EEA1: variants seen among roughly 807,000 people sequenced by gnomAD.
EEA1 encodes early endosome antigen 1, 162kD.
Under a neutral mutation model 209.2 loss-of-function variants are expected in EEA1, and 111 were observed. That is an observed-to-expected ratio of 0.53 (90% CI 0.45 to 0.62). The LOEUF (loss-of-function observed/expected upper bound fraction) is 0.62, where lower values mean the gene tolerates loss of function less well. EEA1 is among the 20% of genes least tolerant of loss of function. The probability of loss-of-function intolerance (pLI) is 0.00; values close to 1 mark genes in which losing one functional copy is unlikely to be tolerated. For missense variants in EEA1, 1,343 were observed against 1,530.8 expected, an observed-to-expected ratio of 0.88 and a Z score of 2.05; for synonymous variants, 536 against 540.6, an observed-to-expected ratio of 0.99 and a Z score of 0.12.
At chr12:92,864,728 T>C (rs1477206459) in intron 3 of EEA1, 132 bp downstream of exon 3, 3 of 878,672 alleles carry the variant, frequency 3.4e-6, no homozygotes, top group Admixed American at 3.8e-5. Flanking sequence ...AGGAAGGATA[T>C]GCTAAATGAT....
chr12:92,857,040 G>A (rs1294011172), intron 5 of EEA1, among the ~76,000 whole-genome samples: 1 of 151,944 alleles, frequency 6.6e-6, no homozygotes, highest in Non-Finnish European at 1.5e-5. Flanking sequence ...CCAAAGTGCT[G>A]GGATTACAGG....
chr12:92,781,078 AT>A (rs1031744109), intron 23 of EEA1, among the ~76,000 whole-genome samples: 17 of 149,088 alleles, frequency 1.1e-4, no homozygotes, highest in Middle Eastern at 3.5e-3. Context: ...GCCCAGCTAA[AT>A]TTTTTTTTTT....
Position 92,822,090 on chromosome 12 carries a change from T to C in EEA1, c.1525-2579A>G, listed in dbSNP as rs75497455. Among the ~76,000 whole-genome samples the C allele has an allele frequency of 2.0e-3, 307 of 151,826 alleles. 2 individuals carry two copies. The highest frequency in any genetic ancestry group is 7.3e-3 in the African/African-American group (301 of 41,420). The stretch of plus-strand genomic sequence containing the variant: ...CATATTTTCCTCCTTTCCTCAAGCT[T>C]CAGTGGATGAGTTCCATTTCACCCT... On this transcript the variant is annotated intron_variant, in intron 13 of 28. Transcript: ENST00000322349.
At chr12:92,926,378 T>C (rs1329530588) in intron 1 of EEA1, among the ~76,000 whole-genome samples, 1 of 152,184 alleles carries the variant, frequency 6.6e-6, no homozygotes, top group African/African-American at 2.4e-5. Context: ...TAGCTTAATA[T>C]CTGTGCTGAG....
intron 5 of EEA1, among the ~76,000 whole-genome samples, chr12:92,855,888 A>C (rs1421709298): frequency 6.6e-6 from 1 of 152,252 alleles, no homozygotes; most frequent in Non-Finnish European, 1.5e-5. Flanking sequence ...AATACAGCCC[A>C]TACTCAATTA....
intron 1 of EEA1, among the ~76,000 whole-genome samples, chr12:92,912,281 A>G (rs1161382494): frequency 6.6e-5 from 10 of 152,218 alleles, no homozygotes; most frequent in African/African-American, 2.4e-4. Context: ...CCATCAATGA[A>G]TCAGGCCTAT....
intron 2 of EEA1, among the ~76,000 whole-genome samples, chr12:92,874,158 C>T (rs1236416173): frequency 7.1e-6 from 1 of 141,578 alleles, no homozygotes; most frequent in Non-Finnish European, 1.5e-5. Context: ...ACAAAAAATA[C>T]AAAAAAAAAA....
intron 21 of EEA1, among the ~76,000 whole-genome samples, chr12:92,795,548 T>C (rs1874621834): frequency 6.6e-6 from 1 of 152,160 alleles, no homozygotes; most frequent in Non-Finnish European, 1.5e-5. Context: ...TATTAGGCTA[T>C]ATTAACAGCC....
intron 1 of EEA1, among the ~76,000 whole-genome samples, chr12:92,927,699 T>C (rs1372094349): frequency 6.6e-6 from 1 of 151,986 alleles, no homozygotes; most frequent in African/African-American, 2.4e-5. Context: ...AAAAGAAAAA[T>C]CTCCTAAAGC....
Position 92,811,297 on chromosome 12 carries a change from C to T in EEA1, c.2181G>A (p.Glu727=), listed in dbSNP as rs373632739. ...TACAAACCTTAATTTGACCTTCTAG[C>T]TCTTCGGTTTTCTGTTCTAAAGAGA... is the stretch of plus-strand genomic sequence containing the variant. ...KYLSLEQKTE[E]LEGQIKKLEA... is the part of the protein sequence containing the mutation. The change falls in exon 17 of 29, where the codon GAG becomes GAA. Residue 727 remains glutamate, a synonymous_variant. Coordinates refer to ENST00000322349, the MANE Select transcript of EEA1 (RefSeq NM_003566.4). The T allele has an allele frequency of 1.9e-6, 3 of 1,567,838 alleles. No homozygotes were observed. The highest frequency in any genetic ancestry group is 2.6e-6 in the Non-Finnish European group (3 of 1,161,398).
intron 2 of EEA1, among the ~76,000 whole-genome samples, chr12:92,874,092 C>T (rs188313981): frequency 6.6e-6 from 1 of 151,970 alleles, no homozygotes; most frequent in Non-Finnish European, 1.5e-5. Context: ...GCAGGCAGAT[C>T]GCTTGAGCCT....
intron 18 of EEA1, among the ~76,000 whole-genome samples, chr12:92,805,596 T>C (rs1388781724): frequency 1.3e-5 from 2 of 152,162 alleles, no homozygotes; most frequent in African/African-American, 4.8e-5. Flanking sequence ...ATGAAGACAT[T>C]CAAATGAATT....
chr12:92,885,280 G>A (rs1879331619), intron 2 of EEA1, among the ~76,000 whole-genome samples: 1 of 152,066 alleles, frequency 6.6e-6, no homozygotes, highest in Admixed American at 6.6e-5. Context: ...ACCAAAGTTA[G>A]CTTTCACCCT....
rs1271173388 is a variant in EEA1, at chr12:92,929,208, C to T, written c.-142G>A. On this transcript the variant is annotated 5_prime_UTR_variant, in exon 1 of 29. Coordinates refer to ENST00000322349, the MANE Select transcript of EEA1 (RefSeq NM_003566.4). The stretch of plus-strand genomic sequence containing the variant: ...CGGGGCGAGGCGGTGGCGACGGCCG[C>T]TCGGGCGGCCCCGACTTCCCCACAG... 1.3e-6 allele frequency: 1 copy of T among 770,804 alleles called. No individual in the cohort carries two copies. Among genetic ancestry groups the T allele is most frequent in the Non-Finnish European group, 2.0e-6 (1 of 509,870 alleles). 47.7% of individuals were successfully genotyped at this position (770,804 alleles called of 1,614,324 possible).
intron 3 of EEA1, among the ~76,000 whole-genome samples, chr12:92,861,515 A>G (rs1565840010): frequency 6.6e-6 from 1 of 152,330 alleles, no homozygotes; most frequent in East Asian, 1.9e-4. Flanking sequence ...ATTCAAATTC[A>G]TCCTACAGAT....
chr12:92,812,254 G>A (rs918614255), intron 16 of EEA1, among the ~76,000 whole-genome samples: 6 of 151,788 alleles, frequency 4.0e-5, no homozygotes, highest in African/African-American at 1.2e-4. Context: ...GCTTGAACCC[G>A]GCAGGTGGAG....
intron 3 of EEA1, chr12:92,858,868 T>A: frequency 1.4e-6 from 1 of 728,664 alleles, no homozygotes; most frequent in Non-Finnish European, 2.5e-6. Flanking sequence ...TGCTGGTTTG[T>A]ATGACTGGAC....
At chr12:92,884,437 T>C (rs1879294771) in intron 2 of EEA1, 1 of 1,439,570 alleles carries the variant, frequency 6.9e-7, no homozygotes, top group Middle Eastern at 2.4e-4. Flanking sequence ...GAAACTTCAG[T>C]GGTGGTGGTG....
intron 11 of EEA1, among the ~76,000 whole-genome samples, chr12:92,832,262 A>C (rs917313429): frequency 6.6e-6 from 1 of 152,172 alleles, no homozygotes; most frequent in African/African-American, 2.4e-5. Context: ...TACCATCCTA[A>C]GCAATTTATA....
Sources: gnomAD v4.1 joint callset for allele counts (sites outside exome capture counted in the v4.1 genomes callset) on GRCh38, gnomAD v4.1.1 for gene constraint, MANE v1.5 for transcripts, NCBI Gene and HGNC (gene_info 2026-07-23, HGNC 2026-07-21) for gene names.